Variants in ESRP1 observed in about 807,000 individuals in gnomAD.
The protein encoded by ESRP1 is epithelial splicing regulatory protein 1.
A neutral mutation model predicts 81.7 loss-of-function variants in ESRP1; 33 were observed. The observed-to-expected ratio is 0.40, with a 90% CI of 0.31 to 0.54. The LOEUF is 0.54. ESRP1 is among the 20% of genes least tolerant of loss of function. ESRP1 has a pLI of 0.41. For missense variants in ESRP1, 672 were observed against 833.1 expected (o/e 0.81, Z 2.38); for synonymous variants, 320 against 303.3 (o/e 1.06, Z -0.57).
intron 6 of ESRP1, among the ~76,000 whole-genome samples, chr8:94,664,272 C>T (rs895654748): frequency 4.6e-5 from 7 of 152,060 alleles, no homozygotes; most frequent in African/African-American, 1.4e-4. Context: ...TATAAGCGTA[C>T]ACCACCATGC....
intron 11 of ESRP1, among the ~76,000 whole-genome samples, chr8:94,672,908 T>G (rs1445722897): frequency 8.6e-6 from 1 of 116,066 alleles, no homozygotes; most frequent in Non-Finnish European, 1.7e-5. Context: ...GAATGTAGGC[T>G]TATATTGAAA....
rs982613608 is a variant in ESRP1 at position 94,641,313 on chromosome 8, A to G, written c.-6A>G. 2 of 1,599,098 alleles carry G rather than the reference A, an allele frequency of 1.3e-6. No individual in the cohort carries two copies. Among genetic ancestry groups the G allele is most frequent in the East Asian group, 2.3e-5 (1 of 44,350 alleles). On this transcript the variant is annotated 5_prime_UTR_variant, in exon 1 of 16. Transcript: ENST00000433389. ...ACCCCCCCTCTCCCCCTCCCCACCT[A>G]TCGTCATGACGGCCTCTCCGGATTA...
chr8:94,694,963 G>C (rs888790581), intron 14 of ESRP1, among the ~76,000 whole-genome samples: 7 of 152,174 alleles, frequency 4.6e-5, no homozygotes, highest in African/African-American at 1.7e-4. Flanking sequence ...TCAGTAATTT[G>C]AGCTTTGAGG....
Position 94,643,338 on chromosome 8 carries a change from A to T in ESRP1, c.297A>T (p.Gly99=). The change falls in exon 3 of 16, where the codon GGA becomes GGT. Residue 99 remains glycine (G), a synonymous_variant. Coordinates refer to ENST00000433389, the MANE Select transcript of ESRP1 (RefSeq NM_017697.4). ...CAGTGAGCAATGAACTGAATATTGG[A>T]GTAGGGACTTCCTTCTGTCTCTGTA... ...NQSVSNELNI[G]VGTSFCLCTD... is the part of the protein sequence containing the mutation. 1 of 1,613,540 alleles carries T rather than the reference A, an allele frequency of 6.2e-7. No individual in the cohort carries two copies. Among genetic ancestry groups the T allele is most frequent in the African/African-American group, 1.3e-5 (1 of 75,016 alleles).
At chr8:94,650,857 G>T (rs571589954) in intron 4 of ESRP1, among the ~76,000 whole-genome samples, 12 of 152,048 alleles carry the variant, frequency 7.9e-5, no homozygotes, top group Admixed American at 4.6e-4. Context: ...GACTACAGGC[G>T]CCCGCCCATG....
At chr8:94,697,167 G>A (rs1809637546) in intron 15 of ESRP1, among the ~76,000 whole-genome samples, 1 of 152,160 alleles carries the variant, frequency 6.6e-6, no homozygotes, top group Non-Finnish European at 1.5e-5. Context: ...AGAGTTGTTT[G>A]TTACTGTGGG....
rs540171708 is a variant in ESRP1 at position 94,668,125 on chromosome 8, A to G, written c.1108A>G (p.Thr370Ala). Reference protein sequence around the residue: ...LFVTYPDGRPTGDAFVLFACE... With the variant: ...LFVTYPDGRPAGDAFVLFACE... Reference sequence around the variant, plus strand: ...TGTCACCTACCCAGATGGTAGGCCAACAGGGGACGCTTTTGTCCTCTTTGC... The same window carrying G: ...TGTCACCTACCCAGATGGTAGGCCAGCAGGGGACGCTTTTGTCCTCTTTGC... The change falls in exon 10 of 16, where the codon ACA becomes GCA. Residue 370 changes from threonine to alanine, a missense_variant. By Grantham distance (58) the Thr-to-Ala change is moderately conservative. Transcript: ENST00000433389. 1.9e-6 allele frequency: 3 copies of G among 1,614,044 alleles called. No homozygotes were observed. Among genetic ancestry groups the G allele is most frequent in the Admixed American group, 1.7e-5 (1 of 60,020 alleles).
At chr8:94,695,803 C>T (rs1809582678) in intron 14 of ESRP1, among the ~76,000 whole-genome samples, 1 of 151,980 alleles carries the variant, frequency 6.6e-6, no homozygotes, top group African/African-American at 2.4e-5. Flanking sequence ...TGGTTCACAC[C>T]TGTAATCCCA....
chr8:94,674,230 T>G, intron 11 of ESRP1, 78 bp from the exon 12 acceptor site: 3 of 1,480,058 alleles, frequency 2.0e-6, no homozygotes, highest in Admixed American at 2.0e-5. Flanking sequence ...ATTGTCACTT[T>G]GCATGTTTTG....
chr8:94,668,819 G>T (rs1003134556), intron 10 of ESRP1, among the ~76,000 whole-genome samples: 11 of 151,968 alleles, frequency 7.2e-5, no homozygotes, highest in Non-Finnish European at 1.0e-4. Context: ...TTGAGATGGG[G>T]TCTTGCTCTG....
Position 94,705,986 on chromosome 8 carries a change from A to G in ESRP1, c.*97A>G. The G allele has an allele frequency of 3.3e-6, 5 of 1,521,918 alleles. No individual in the cohort carries two copies. The highest frequency in any genetic ancestry group is 4.4e-6 in the Non-Finnish European group (5 of 1,135,624). The allele number at this position is 1,521,918 out of a possible 1,614,324, so 94.3% of individuals were successfully genotyped here. On this transcript the variant is annotated 3_prime_UTR_variant, in exon 16 of 16. Coordinates refer to ENST00000433389, the MANE Select transcript of ESRP1 (RefSeq NM_017697.4). Reference sequence around the variant, plus strand: ...ACACAAGAAAACTTCTAGCAAATTCAGGGGAAGTTTGTCTACACTCAGGCT... The same window carrying G: ...ACACAAGAAAACTTCTAGCAAATTCGGGGGAAGTTTGTCTACACTCAGGCT...
In ESRP1 at chr8:94,704,773, A is replaced by G. The variant is rs1027948714; in HGVS notation, c.*36-1152A>G. Among the ~76,000 whole-genome samples the G allele has an allele frequency of 1.1e-3, 19 of 17,542 alleles. 2 individuals carry two copies. Among genetic ancestry groups the G allele is most frequent in the African/African-American group, 1.6e-3 (1 of 644 alleles). The allele number at this position is 17,542 out of a possible 152,430, so 11.5% of individuals were successfully genotyped here. ...AAGGCACCATCTCTTTTTGAAAAAA[A>G]AAAAAAAAAAAAAAAAAAAACTGCA... On this transcript the variant is annotated intron_variant, in intron 15 of 15. Coordinates refer to ENST00000433389, the MANE Select transcript of ESRP1 (RefSeq NM_017697.4).
intron 13 of ESRP1, among the ~76,000 whole-genome samples, chr8:94,681,182 C>T (rs1457389727): frequency 6.6e-6 from 1 of 151,376 alleles, no homozygotes; most frequent in African/African-American, 2.4e-5. Flanking sequence ...AAAAATTAGC[C>T]GGGCGTGGTG....
At chr8:94,666,623 A>G (rs1304145025) in intron 9 of ESRP1, among the ~76,000 whole-genome samples, 1 of 152,184 alleles carries the variant, frequency 6.6e-6, no homozygotes, top group Non-Finnish European at 1.5e-5. Flanking sequence ...CAGCTATAGA[A>G]CTTACCGGAA....
intron 4 of ESRP1, among the ~76,000 whole-genome samples, chr8:94,649,285 C>T (rs115478977): frequency 1.3e-5 from 2 of 152,190 alleles, no homozygotes; most frequent in Non-Finnish European, 2.9e-5. Flanking sequence ...GGCCTCAAGC[C>T]ATCCTCCTGT....
chr8:94,696,139 G>C (rs1316904268), intron 14 of ESRP1, among the ~76,000 whole-genome samples: 1 of 152,168 alleles, frequency 6.6e-6, no homozygotes, highest in Non-Finnish European at 1.5e-5. Flanking sequence ...CAAAGACCAA[G>C]GATTTACAAA....
chr8:94,657,468 T>TGTGG (rs1554576331), intron 4 of ESRP1, among the ~76,000 whole-genome samples: 86 of 101,282 alleles, frequency 8.5e-4, no homozygotes, highest in Admixed American at 2.6e-3. Flanking sequence ...ATTGAGGCTG[T>TGTGG]GTGCGTGTGT....
At chr8:94,658,359 A>G (rs1199019402) in intron 4 of ESRP1, among the ~76,000 whole-genome samples, 2 of 152,200 alleles carry the variant, frequency 1.3e-5, no homozygotes, top group African/African-American at 2.4e-5. Flanking sequence ...CTTGGAAGCT[A>G]TAGAGATGTT....
intron 4 of ESRP1, among the ~76,000 whole-genome samples, chr8:94,648,078 G>GA (rs1450379908): frequency 3.9e-5 from 6 of 152,150 alleles, no homozygotes; most frequent in African/African-American, 1.4e-4. Context: ...GCAATATAGA[G>GA]AAACCCCATG....
Sources: gnomAD v4.1 joint callset for allele counts (sites outside exome capture counted in the v4.1 genomes callset) on GRCh38, gnomAD v4.1.1 for gene constraint, MANE v1.5 for transcripts, NCBI Gene and HGNC (gene_info 2026-07-23, HGNC 2026-07-21) for gene names.